The following PEX5 variants were observed in gnomAD, a reference collection of about 807,000 sequenced individuals.
PEX5 encodes PTS1 receptor.
Under a neutral mutation model 82.9 loss-of-function variants are expected in PEX5, and 52 were observed. That is an observed-to-expected ratio of 0.63 (90% CI 0.50 to 0.79). The LOEUF (loss-of-function observed/expected upper bound fraction) is 0.79. Ranked by LOEUF, PEX5 falls within the 30% of genes least tolerant of loss-of-function variation. The pLI, the probability that PEX5 is intolerant of heterozygous loss-of-function variation, is 0.00. For synonymous variants in PEX5, 300 were observed against 318.8 expected, an observed-to-expected ratio of 0.94 and a Z score of 0.63; for missense variants, 719 against 815.2, an observed-to-expected ratio of 0.88 and a Z score of 1.44.
intron 6 of PEX5, among the ~76,000 whole-genome samples, chr12:7,201,414 T>C (rs1393611954): frequency 2.0e-5 from 3 of 152,126 alleles, no homozygotes; most frequent in Non-Finnish European, 2.9e-5. Flanking sequence ...GGTAAATATA[T>C]ATATATTTTT....
intron 5 of PEX5, among the ~76,000 whole-genome samples, chr12:7,197,238 A>ATAATTATATGTCATATG (rs1565687295): frequency 3.6e-5 from 1 of 27,848 alleles, no homozygotes; most frequent in East Asian, 6.0e-4. Flanking sequence ...GTCATATGTA[A>ATAATTATATGTCATATG]TAATTATATG....
intron 6 of PEX5, 58 bp downstream of exon 6, chr12:7,199,171 C>A (rs1943264933): frequency 5.5e-6 from 5 of 913,132 alleles, no homozygotes; most frequent in Admixed American, 2.0e-5. Flanking sequence ...GTTTTCCCAG[C>A]CTCCTCCATC....
intron 10 of PEX5, among the ~76,000 whole-genome samples, chr12:7,206,461 G>C (rs1345292265): frequency 6.6e-6 from 1 of 152,186 alleles, no homozygotes; most frequent in African/African-American, 2.4e-5. Flanking sequence ...GAAAAAGTTT[G>C]CTGATCACTG....
intron 5 of PEX5, among the ~76,000 whole-genome samples, chr12:7,195,555 T>C (rs935227329): frequency 9.9e-5 from 15 of 152,052 alleles, no homozygotes; most frequent in African/African-American, 3.6e-4. Context: ...CTGCCTCATA[T>C]CTATTGTTAA....
intron 7 of PEX5, 54 bp from the exon 8 acceptor site, chr12:7,202,187 G>C: frequency 6.2e-7 from 1 of 1,612,984 alleles, no homozygotes; most frequent in East Asian, 2.2e-5. Context: ...ATGGTTGAGA[G>C]TGCACACCTG....
At chr12:7,205,168 T>A (rs1434968152) in intron 10 of PEX5, among the ~76,000 whole-genome samples, 1 of 152,078 alleles carries the variant, frequency 6.6e-6, no homozygotes, top group East Asian at 1.9e-4. Context: ...ATACATTTTT[T>A]AATTAAAAAC....
At chr12:7,200,465 G>A (rs1943675514) in intron 6 of PEX5, among the ~76,000 whole-genome samples, 1 of 152,000 alleles carries the variant, frequency 6.6e-6, no homozygotes, top group Middle Eastern at 3.2e-3. Context: ...AGGCAGAGAC[G>A]CTCCTCACTT....
chr12:7,212,445 G>A (rs1945636894), downstream of PEX5, among the ~76,000 whole-genome samples: 1 of 115,748 alleles, frequency 8.6e-6, no homozygotes, highest in African/African-American at 3.4e-5. Flanking sequence ...TTTTTTTCCG[G>A]TGAGCTCAAA....
intron 6 of PEX5, among the ~76,000 whole-genome samples, chr12:7,201,151 A>G (rs758554374): frequency 1.7e-3 from 85 of 49,586 alleles, no homozygotes; most frequent in African/African-American, 3.9e-3. Flanking sequence ...ACACACACGC[A>G]CACACATATA....
Position 7,191,361 on chromosome 12 carries a change from G to A in PEX5, c.316+3G>A, listed in dbSNP as rs200776790. 3.6e-5 allele frequency: 58 copies of A among 1,614,198 alleles called. No homozygotes were observed. In the African/African-American group the frequency reaches 4.7e-4, roughly 13 times the overall value. The stretch of plus-strand genomic sequence containing the variant: ...CTTCCGCCAGGCTCCCCAGAGAGGT[G>A]AGTCCAGAGTCTAGTGGGAGGGGAG... On this transcript the variant is annotated splice_donor_region_variant and intron_variant, in intron 4 of 15. Transcript: ENST00000675855.
chr12:7,192,595 C>G (rs1476052664), intron 5 of PEX5, among the ~76,000 whole-genome samples: 1 of 152,050 alleles, frequency 6.6e-6, no homozygotes. Context: ...AAAAGTTAGC[C>G]TTTTTCCTGT....
intron 6 of PEX5, among the ~76,000 whole-genome samples, chr12:7,201,149 G>T (rs75323438): frequency 7.4e-5 from 4 of 54,326 alleles, no homozygotes; most frequent in African/African-American, 2.0e-4. Context: ...ACACACACAC[G>T]CACACACATA....
chr12:7,206,535 G>C (rs1944818511), intron 10 of PEX5, among the ~76,000 whole-genome samples: 2 of 151,816 alleles, frequency 1.3e-5, no homozygotes, highest in African/African-American at 4.8e-5. Context: ...AAACACACTT[G>C]TTTTCAATAT....
rs1018899854 is a variant in PEX5, at chr12:7,190,738, C to T, written c.148-150C>T. ...ATCATAGTAGTTACCACTTACTGAG[C>T]GTTTATAAACACTAGAAAACCCTGT... is the stretch of plus-strand genomic sequence containing the variant. On this transcript the variant is annotated intron_variant, in intron 2 of 15. Transcript: ENST00000675855. The T allele has an allele frequency of 1.8e-5, 23 of 1,299,930 alleles. No individual in the cohort carries two copies. The Admixed American group carries it at 4.0e-4, about 22-fold the overall frequency. The allele number at this position is 1,299,930 out of a possible 1,614,324, so 80.5% of individuals were successfully genotyped here. A position where few individuals can be genotyped will look rare whatever the true frequency, so the allele number is the denominator to read the frequency against.
intron 5 of PEX5, among the ~76,000 whole-genome samples, chr12:7,197,543 A>G (rs1942975786): frequency 8.6e-6 from 1 of 116,150 alleles, no homozygotes. Context: ...ATGTAATTAT[A>G]TATGTTATAT....
chr12:7,189,950 C>G, intron 1 of PEX5, 200 bp downstream of exon 1: 1 of 1,490,260 alleles, frequency 6.7e-7, no homozygotes, highest in Non-Finnish European at 8.8e-7. Context: ...CTCTGCCGTG[C>G]TCACCGCGTG....
In PEX5 at chr12:7,189,821, G is replaced by A. The variant is rs927673107; in HGVS notation, c.-17+71G>A. ...CTCCCCACCCTTGCGGTGGCCTCGC[G>A]GGTCCCAGGGGCGGGGCTGGAGCGG... On this transcript the variant is annotated intron_variant, in intron 1 of 15. Transcript: ENST00000675855. The A allele has an allele frequency of 2.4e-4, 237 of 982,396 alleles. No individual in the cohort carries two copies. Among genetic ancestry groups the A allele is most frequent in the Non-Finnish European group, 3.0e-4 (220 of 735,230 alleles). 60.9% of individuals were successfully genotyped at this position (982,396 alleles called of 1,614,324 possible).
downstream of PEX5, chr12:7,211,463 A>G (rs1036815020): frequency 2.0e-5 from 3 of 152,264 alleles, no homozygotes; most frequent in Non-Finnish European, 4.4e-5. Flanking sequence ...CGAAGAATAA[A>G]TGGAACTGAT....
At chr12:7,202,154 G>A in intron 7 of PEX5, 87 bp from the exon 8 acceptor site, 1 of 1,603,464 alleles carries the variant, frequency 6.2e-7, no homozygotes, top group African/African-American at 1.3e-5. Context: ...CAGGGGAGGG[G>A]TGAGTACAGG....
Sources: gnomAD v4.1 joint callset for allele counts (sites outside exome capture counted in the v4.1 genomes callset) on GRCh38, gnomAD v4.1.1 for gene constraint, MANE v1.5 for transcripts, NCBI Gene and HGNC (gene_info 2026-07-23, HGNC 2026-07-21) for gene names.